ARHGAP39: variants seen among roughly 807,000 people sequenced by gnomAD.
ARHGAP39 encodes rho GTPase-activating protein 39.
Under a neutral mutation model 106.9 loss-of-function variants are expected in ARHGAP39, and 44 were observed. The ratio of observed to expected loss-of-function variants is 0.41; its 90% CI spans 0.32 to 0.53. The LOEUF is 0.53. Among genes scored for constraint, ARHGAP39 ranks in the 20% least tolerant of loss-of-function variants. ARHGAP39 has a pLI of 0.21. For missense variants in ARHGAP39, 1,496 were observed against 1,577.3 expected, an observed-to-expected ratio of 0.95 and a Z score of 0.87; for synonymous variants, 768 against 693.2, an observed-to-expected ratio of 1.11 and a Z score of -1.69.
At chr8:144,589,007 G>A (rs915525229) in intron 2 of ARHGAP39, among the ~76,000 whole-genome samples, 5 of 152,222 alleles carry the variant, frequency 3.3e-5, no homozygotes, top group African/African-American at 1.2e-4. Flanking sequence ...CGTGGGACCC[G>A]GGGACAGAAA....
chr8:144,587,707 TG>T (rs1455737663), intron 2 of ARHGAP39, among the ~76,000 whole-genome samples: 1 of 146,896 alleles, frequency 6.8e-6, no homozygotes, highest in African/African-American at 2.5e-5. Flanking sequence ...CAGGCTGGAG[TG>T]CGGTGGCGCG....
chr8:144,649,333 C>T (rs1370539509), intron 1 of ARHGAP39, among the ~76,000 whole-genome samples: 1 of 152,062 alleles, frequency 6.6e-6, no homozygotes, highest in African/African-American at 2.4e-5. Flanking sequence ...GCCTGTAGTC[C>T]CAGCTACTTG....
chr8:144,602,441 T>G (rs1351853792), intron 2 of ARHGAP39, among the ~76,000 whole-genome samples: 153 of 62,966 alleles, frequency 2.4e-3, no homozygotes, highest in Middle Eastern at 0.014. Flanking sequence ...GTGCATGGAG[T>G]TGTGCGTGCG....
chr8:144,692,952 T>A, the ARHGAP39 span, among the ~76,000 whole-genome samples: 1 of 149,540 alleles, frequency 6.7e-6, no homozygotes, highest in African/African-American at 2.5e-5. Context: ...AGAGATGGGG[T>A]TTCACTGTGT....
chr8:144,596,594 G>A (rs951863901), intron 2 of ARHGAP39, among the ~76,000 whole-genome samples: 1 of 152,218 alleles, frequency 6.6e-6, no homozygotes, highest in Admixed American at 6.5e-5. Context: ...GGTGCTGCGC[G>A]GGGGCAGAGG....
chr8:144,619,418 G>A lies in ARHGAP39; in HGVS notation c.-81-13723C>T, dbSNP rs568296427. On this transcript the variant is annotated intron_variant, in intron 1 of 11. Coordinates refer to ENST00000377307, the MANE Select transcript of ARHGAP39 (RefSeq NM_025251.3). ...CCCATGTGCGTGTGCGCCCGTGTGC[G>A]TGAGCCCGTGTGTCCCTGAGACAGC... 5.9e-4 allele frequency among the ~76,000 whole-genome samples: 89 copies of A among 151,638 alleles called. 2 individuals are homozygous for A. The highest frequency in any genetic ancestry group is 3.5e-3 in the Admixed American group (53 of 15,264).
chr8:144,618,734 C>A (rs867635126), intron 1 of ARHGAP39, among the ~76,000 whole-genome samples: 8 of 152,346 alleles, frequency 5.3e-5, no homozygotes, highest in African/African-American at 1.7e-4. Context: ...ACGTGGTACC[C>A]GGTTCTCGCA....
intron 3 of ARHGAP39, among the ~76,000 whole-genome samples, chr8:144,558,521 G>A (rs1247986002): frequency 1.3e-5 from 2 of 152,014 alleles, no homozygotes; most frequent in African/African-American, 4.8e-5. Flanking sequence ...TCGAACTCCT[G>A]ACATCAGGTG....
chr8:144,539,321 C>T (rs1817096704), intron 6 of ARHGAP39, among the ~76,000 whole-genome samples: 1 of 152,352 alleles, frequency 6.6e-6, no homozygotes, highest in South Asian at 2.1e-4. Context: ...CTACCGCCGA[C>T]AGTCGCCCCG....
chr8:144,569,605 A>C (rs1159432092), intron 3 of ARHGAP39, among the ~76,000 whole-genome samples: 1 of 152,226 alleles, frequency 6.6e-6, no homozygotes, highest in African/African-American at 2.4e-5. Flanking sequence ...AGGTAGACGA[A>C]TGGTTCCTTA....
At chr8:144,673,263 C>T (rs1410931828) in intron 1 of ARHGAP39, among the ~76,000 whole-genome samples, 1 of 151,712 alleles carries the variant, frequency 6.6e-6, no homozygotes, top group Non-Finnish European at 1.5e-5. Flanking sequence ...AGGGACTCAT[C>T]GCCTTGCCAC....
chr8:144,642,418 C>T (rs1397062150), intron 1 of ARHGAP39, among the ~76,000 whole-genome samples: 3 of 151,576 alleles, frequency 2.0e-5, no homozygotes, highest in South Asian at 2.1e-4. Context: ...GCCTGGGAGG[C>T]GGAGGCTGCA....
rs970848700 is a variant in ARHGAP39, at chr8:144,605,639, G to A, written c.-25C>T. The A allele has an allele frequency of 1.9e-6, 3 of 1,610,520 alleles. No homozygotes were observed. In the African/African-American group the frequency reaches 4.0e-5, roughly 21 times the overall value. Reference sequence around the variant, plus strand: ...TCGCTGTTTGCTTCCGCGCCCACGTGGACAGACGTCAGGGCACCATACGCA... The same window carrying A: ...TCGCTGTTTGCTTCCGCGCCCACGTAGACAGACGTCAGGGCACCATACGCA... On this transcript the variant is annotated 5_prime_UTR_variant, in exon 2 of 12. Coordinates refer to ENST00000377307, the MANE Select transcript of ARHGAP39 (RefSeq NM_025251.3).
rs890474399 is a variant in ARHGAP39 at position 144,586,662 on chromosome 8, C to T, written c.81-5385G>A. ...AAAACTGGCTGATGCAGGTACCACA[C>T]CCACTTCCAGGCACCGGGTCCCATG... On this transcript the variant is annotated intron_variant, in intron 2 of 11. Transcript: ENST00000377307. This position sits in a 1 kb window ranked among gnomAD's most constrained non-coding sequence, Gnocchi z 4.2. Among the ~76,000 whole-genome samples, 2 of 152,234 alleles carry T rather than the reference C, an allele frequency of 1.3e-5. No individual in the cohort carries two copies. The highest frequency in any genetic ancestry group is 2.4e-5 in the African/African-American group (1 of 41,462).
intron 1 of ARHGAP39, among the ~76,000 whole-genome samples, chr8:144,627,647 C>T (rs1820959843): frequency 6.6e-6 from 1 of 151,880 alleles, no homozygotes; most frequent in Non-Finnish European, 1.5e-5. Context: ...GGTCCCAGCA[C>T]TTTGGGAGGC....
chr8:144,672,094 T>C (rs942814516), intron 1 of ARHGAP39, among the ~76,000 whole-genome samples: 1 of 152,246 alleles, frequency 6.6e-6, no homozygotes, highest in African/African-American at 2.4e-5. Flanking sequence ...CCCTCCCACA[T>C]GTGGGAATTT....
intron 1 of ARHGAP39, among the ~76,000 whole-genome samples, chr8:144,643,159 T>C (rs1159372240): frequency 6.6e-6 from 1 of 152,164 alleles, no homozygotes; most frequent in Admixed American, 6.5e-5. Flanking sequence ...ATTTAACATG[T>C]TCTTATCTCC....
At chr8:144,613,377 TTC>T (rs1820544200) in intron 1 of ARHGAP39, among the ~76,000 whole-genome samples, 1 of 152,246 alleles carries the variant, frequency 6.6e-6, no homozygotes, top group South Asian at 2.1e-4. Context: ...TCTGTAACAT[TTC>T]TTTCAGTGAA....
chr8:144,555,691 T>C (rs1391847082), intron 3 of ARHGAP39, 48 bp from the exon 4 acceptor site: 10 of 1,524,614 alleles, frequency 6.6e-6, no homozygotes, highest in Non-Finnish European at 9.1e-6. Flanking sequence ...TGCAATCGTT[T>C]ACCATAACCA....
Sources: gnomAD v4.1 joint callset for allele counts (sites outside exome capture counted in the v4.1 genomes callset) on GRCh38, gnomAD v4.1.1 for gene constraint, Gnocchi (gnomAD v3.1) non-coding constraint, MANE v1.5 for transcripts, NCBI Gene and HGNC (gene_info 2026-07-23, HGNC 2026-07-21) for gene names.